GPATCH2: variants seen among roughly 807,000 people sequenced by gnomAD.
The protein encoded by GPATCH2 is G patch domain-containing protein 2.
A neutral mutation model predicts 58.0 loss-of-function variants in GPATCH2; 51 were observed. The ratio of observed to expected loss-of-function variants is 0.88; its 90% confidence interval spans 0.70 to 1.11. The LOEUF is 1.11. Ranked by LOEUF, GPATCH2 falls within the 50% of genes most tolerant of loss-of-function variation. The pLI is 0.00. For missense variants in GPATCH2, 625 were observed against 652.2 expected, an observed-to-expected ratio of 0.96 and a Z score of 0.45; for synonymous variants, 222 against 218.5, an observed-to-expected ratio of 1.02 and a Z score of -0.14.
At chr1:217,619,549 C>G (rs1218938018) in intron 2 of GPATCH2, among the ~76,000 whole-genome samples, 1 of 152,086 alleles carries the variant, frequency 6.6e-6, no homozygotes, top group Non-Finnish European at 1.5e-5. Flanking sequence ...CTCCTTGTAG[C>G]TGAAAATTGA....
rs1380656410 is a variant in GPATCH2, at chr1:217,597,451, A to T, written c.1098+12870T>A. ...ACAGGGTGGGGAGAGGGTGGCAATA[A>T]AAAACAAGCTGACTGAAACACCAGA... On this transcript the variant is annotated intron_variant, in intron 5 of 9. Transcript: ENST00000366935. Among the ~76,000 whole-genome samples the T allele has an allele frequency of 2.0e-5, 3 of 152,112 alleles. No homozygotes were observed. In the East Asian group the frequency reaches 5.8e-4, roughly 29 times the overall value.
chr1:217,614,239 A>T, intron 2 of GPATCH2, 37 bp from the exon 3 acceptor site: 4 of 1,191,654 alleles, frequency 3.4e-6, no homozygotes, highest in Non-Finnish European at 5.0e-6. Flanking sequence ...GATCAAAAGA[A>T]CAATTGATCT....
At chr1:217,589,495 T>C (rs911794332) in intron 5 of GPATCH2, among the ~76,000 whole-genome samples, 6 of 152,194 alleles carry the variant, frequency 3.9e-5, no homozygotes, top group African/African-American at 9.7e-5. Flanking sequence ...ATGATAAAAA[T>C]ACAAAGAGTA....
At chr1:217,538,075 T>C (rs138505157) in intron 5 of GPATCH2, among the ~76,000 whole-genome samples, 279 of 152,314 alleles carry the variant, frequency 1.8e-3, no homozygotes, top group African/African-American at 6.3e-3. Flanking sequence ...CTAACTTAGA[T>C]AGATTCCTGT....
At chr1:217,581,669 T>C (rs1049316830) in intron 5 of GPATCH2, among the ~76,000 whole-genome samples, 9 of 152,158 alleles carry the variant, frequency 5.9e-5, no homozygotes, top group Admixed American at 4.6e-4. Context: ...ATTAGAAGTT[T>C]AGGCCAGGTG....
intron 5 of GPATCH2, among the ~76,000 whole-genome samples, chr1:217,598,885 T>A (rs1571628751): frequency 6.6e-6 from 1 of 152,180 alleles, no homozygotes; most frequent in Admixed American, 6.5e-5. Context: ...GTTAACAGTA[T>A]AAAATACTAG....
chr1:217,628,698 A>C (rs886922694), intron 1 of GPATCH2, among the ~76,000 whole-genome samples: 47 of 149,254 alleles, frequency 3.1e-4, no homozygotes, highest in Admixed American at 8.0e-4. Flanking sequence ...AAAAAAAAAA[A>C]GAATACCATA....
chr1:217,525,922 T>C (rs960889334), intron 5 of GPATCH2, among the ~76,000 whole-genome samples: 4 of 152,238 alleles, frequency 2.6e-5, no homozygotes, highest in Admixed American at 6.5e-5. Context: ...ATTATTTTGG[T>C]ACTCAAAATC....
chr1:217,594,914 A>G (rs1284991719), intron 5 of GPATCH2, among the ~76,000 whole-genome samples: 1 of 152,182 alleles, frequency 6.6e-6, no homozygotes, highest in Non-Finnish European at 1.5e-5. Flanking sequence ...GATGAAAGAA[A>G]ACGCATCCAG....
At chr1:217,527,478 AT>A (rs5780985) in intron 5 of GPATCH2, among the ~76,000 whole-genome samples, 56,515 of 138,750 alleles carry the variant, frequency 0.41, 10,451 homozygotes, top group Non-Finnish European at 0.44. Context: ...AATAACATCC[AT>A]TTTTTTTTTT....
chr1:217,437,303 G>A (rs975609301), intron 9 of GPATCH2, among the ~76,000 whole-genome samples: 2 of 152,162 alleles, frequency 1.3e-5, no homozygotes, highest in South Asian at 2.1e-4. Context: ...AAAACTGGGC[G>A]ACTGTTTGAG....
chr1:217,575,133 G>A (rs1666747560), intron 5 of GPATCH2, among the ~76,000 whole-genome samples: 1 of 152,106 alleles, frequency 6.6e-6, no homozygotes, highest in African/African-American at 2.4e-5. Flanking sequence ...GAGGAATAAA[G>A]ACAAAATGCT....
chr1:217,531,851 A>G (rs1664205940), intron 5 of GPATCH2, among the ~76,000 whole-genome samples: 1 of 152,212 alleles, frequency 6.6e-6, no homozygotes, highest in African/African-American at 2.4e-5. Flanking sequence ...GATATATCAT[A>G]TGTGCTTACA....
rs115597811 is a variant in GPATCH2, at chr1:217,521,687, A to T, written c.1099-6798T>A. ...GGAGTAAACACTCCGCGATGAGAATATGTGAAAGAACTTGGGGGAAAATTA... is the reference window on the plus strand; with the variant it reads ...GGAGTAAACACTCCGCGATGAGAATTTGTGAAAGAACTTGGGGGAAAATTA... On this transcript the variant is annotated intron_variant, in intron 5 of 9. Transcript: ENST00000366935. Among the ~76,000 whole-genome samples the T allele has an allele frequency of 6.7e-3, 1,014 of 152,332 alleles. 7 individuals are homozygous for T. The highest frequency in any genetic ancestry group is 0.023 in the African/African-American group (949 of 41,572).
intron 5 of GPATCH2, among the ~76,000 whole-genome samples, chr1:217,573,680 G>C (rs1439315237): frequency 6.6e-6 from 1 of 152,166 alleles, no homozygotes; most frequent in South Asian, 2.1e-4. Flanking sequence ...AACTTTACGA[G>C]TCAGATATTA....
Position 217,431,493 on chromosome 1 carries a change from G to A in GPATCH2, c.1367-128C>T, listed in dbSNP as rs113576346. On this transcript the variant is annotated intron_variant, in intron 9 of 9. Transcript: ENST00000366935. ...TCAACCAGGTACTAGAGGGGGTTGCGTATTCATCTTTGGATACTTTTTGTA... is the reference window on the plus strand; with the variant it reads ...TCAACCAGGTACTAGAGGGGGTTGCATATTCATCTTTGGATACTTTTTGTA... 678 of 635,456 alleles carry A rather than the reference G, an allele frequency of 1.1e-3. 4 individuals are homozygous for A. Among genetic ancestry groups the A allele is most frequent in the African/African-American group, 0.011 (584 of 54,832 alleles). 39.4% of individuals were successfully genotyped at this position (635,456 alleles called of 1,614,324 possible). A position where few individuals can be genotyped will look rare whatever the true frequency, so the allele number is the denominator to read the frequency against.
chr1:217,569,125 A>T (rs896126580), intron 5 of GPATCH2, among the ~76,000 whole-genome samples: 44 of 152,098 alleles, frequency 2.9e-4, no homozygotes, highest in African/African-American at 1.0e-3. Context: ...TTTACTTTAA[A>T]AAAAAAAAGA....
intron 5 of GPATCH2, among the ~76,000 whole-genome samples, chr1:217,564,378 G>C (rs1276732739): frequency 6.6e-6 from 1 of 152,056 alleles, no homozygotes; most frequent in Non-Finnish European, 1.5e-5. Flanking sequence ...TTTAACAGTA[G>C]GGCAACACTA....
intron 9 of GPATCH2, among the ~76,000 whole-genome samples, chr1:217,441,006 C>T (rs1207302081): frequency 6.6e-6 from 1 of 152,166 alleles, no homozygotes; most frequent in Non-Finnish European, 1.5e-5. Flanking sequence ...GAAAAAACTA[C>T]TTTAAAGTTC....
Sources: allele counts gnomAD v4.1 joint callset (sites outside exome capture counted in the v4.1 genomes callset), GRCh38; gene constraint gnomAD v4.1.1; transcripts MANE v1.5; gene names NCBI Gene and HGNC (gene_info 2026-07-23, HGNC 2026-07-21).